The following SQSTM1 variants were observed in gnomAD, a reference collection of about 807,000 sequenced individuals.
The protein encoded by SQSTM1 is sequestosome-1.
Under a neutral mutation model 45.1 loss-of-function variants are expected in SQSTM1, and 36 were observed. That is an observed-to-expected ratio of 0.80 (90% confidence interval 0.61 to 1.05). SQSTM1 has a LOEUF of 1.05. Among genes scored for constraint, SQSTM1 ranks in the 50% least tolerant of loss-of-function variants. The pLI, the probability that SQSTM1 is intolerant of heterozygous loss-of-function variation, is 0.00. For synonymous variants in SQSTM1, 290 were observed against 244.3 expected (o/e 1.19, Z -1.74); for missense variants, 617 against 607.1 (o/e 1.02, Z -0.17).
chr5:179,816,201 T>C (rs1757572806), upstream of SQSTM1, among the ~76,000 whole-genome samples: 1 of 152,158 alleles, frequency 6.6e-6, no homozygotes, highest in Non-Finnish European at 1.5e-5. Flanking sequence ...AAGATTGGAG[T>C]GCAGTGGCGC....
chr5:179,819,354 C>G (rs1436115566), upstream of SQSTM1, among the ~76,000 whole-genome samples: 1 of 147,660 alleles, frequency 6.8e-6, no homozygotes, highest in Non-Finnish European at 1.5e-5. Context: ...TCACATGCCC[C>G]TAGCCCCCGC....
At chr5:179,827,063 C>G (rs976476924) in intron 5 of SQSTM1, among the ~76,000 whole-genome samples, 1 of 152,134 alleles carries the variant, frequency 6.6e-6, no homozygotes, top group South Asian at 2.1e-4. Context: ...AGGAGACATC[C>G]CGGGAAGTCA....
chr5:179,807,039 C>G (rs1486162790), intron 1 of SQSTM1: 2 of 151,644 alleles, frequency 1.3e-5, no homozygotes, highest in Non-Finnish European at 2.9e-5. Context: ...GTCGCCGGCG[C>G]CGCGAGGGGG....
chr5:179,824,558 C>G (rs926141978), intron 4 of SQSTM1, among the ~76,000 whole-genome samples: 1 of 152,164 alleles, frequency 6.6e-6, no homozygotes, highest in Non-Finnish European at 1.5e-5. Context: ...CACAGCCCTT[C>G]CTACCTCAGG....
At chr5:179,824,691 G>C (rs1392211931) in intron 4 of SQSTM1, among the ~76,000 whole-genome samples, 1 of 152,200 alleles carries the variant, frequency 6.6e-6, no homozygotes, top group Non-Finnish European at 1.5e-5. Flanking sequence ...AGTTGCTGAA[G>C]TCCTTTGAAA....
rs1757940020 is a variant in SQSTM1, at chr5:179,825,126, T to TA, written c.674-19dup. 1 of 1,612,586 alleles carries TA rather than the reference T, an allele frequency of 6.2e-7. No homozygotes were observed. The highest frequency in any genetic ancestry group is 1.3e-5 in the African/African-American group (1 of 74,900). On this transcript the variant is annotated intron_variant, in intron 4 of 7. Coordinates refer to ENST00000389805, the MANE Select transcript of SQSTM1 (RefSeq NM_003900.5). ...CAAGGCATTAAAGATATCTTTATCTTATCTTTGTAAAAATCAAAGCTTCTG... is the reference window on the plus strand; with the variant it reads ...CAAGGCATTAAAGATATCTTTATCTTAATCTTTGTAAAAATCAAAGCTTCTG...
chr5:179,811,331 A>G (rs1179147990), intron 1 of SQSTM1, among the ~76,000 whole-genome samples: 6 of 112,086 alleles, frequency 5.4e-5, no homozygotes, highest in African/African-American at 9.9e-5. Flanking sequence ...GGAGCTTTGC[A>G]GGGGGAGGAG....
In SQSTM1 at chr5:179,833,033, C is replaced by A; in HGVS notation, c.756C>A (p.Gly252=). ...TGCTCTTTCCTCCTCCGCCTCTAGG[C>A]ATTGAAGTTGATATCGATGTGGAGC... ...ESVAAALSPL[G]IEVDIDVEHG... is the part of the protein sequence containing the mutation. The change falls in exon 6 of 8, where the codon GGC becomes GGA. Residue 252 remains glycine, a splice_region_variant and synonymous_variant. Coordinates refer to ENST00000389805, the MANE Select transcript of SQSTM1 (RefSeq NM_003900.5). 1 of 1,614,142 alleles carries A rather than the reference C, an allele frequency of 6.2e-7. No homozygotes were observed. Among genetic ancestry groups the A allele is most frequent in the Non-Finnish European group, 8.5e-7 (1 of 1,180,004 alleles).
rs2113526354 is a variant in SQSTM1, at chr5:179,837,089, A to G, written c.*496A>G. ...CCTGCTGGGACTGAGAAGGCTCACG[A>G]AGGGCATCCGCAATGTTGGTTTCAC... On this transcript the variant is annotated 3_prime_UTR_variant, in exon 8 of 8. Transcript: ENST00000389805. The G allele has an allele frequency of 2.3e-6, 2 of 873,240 alleles. No individual in the cohort carries two copies. Among genetic ancestry groups the G allele is most frequent in the Non-Finnish European group, 3.7e-6 (2 of 545,588 alleles). The allele number at this position is 873,240 out of a possible 1,614,324, so 54.1% of individuals were successfully genotyped here. A position where few individuals can be genotyped will look rare whatever the true frequency, so the allele number is the denominator to read the frequency against.
At chr5:179,809,674 T>C (rs1757335831) in intron 1 of SQSTM1, among the ~76,000 whole-genome samples, 1 of 131,878 alleles carries the variant, frequency 7.6e-6, no homozygotes, top group African/African-American at 2.9e-5. Flanking sequence ...AACGGAGTCT[T>C]GCTCCCTGGC....
At chr5:179,825,038 G>A in intron 4 of SQSTM1, 108 bp from the exon 5 acceptor site, 1 of 1,135,412 alleles carries the variant, frequency 8.8e-7, no homozygotes, top group Non-Finnish European at 1.3e-6. Context: ...AGATGTCCGG[G>A]TTAAAGGTCA....
chr5:179,820,726 G>A (rs1268691878), upstream of SQSTM1: 2 of 483,006 alleles, frequency 4.1e-6, no homozygotes, highest in South Asian at 3.4e-5. Context: ...GAGGGGGCCG[G>A]GAGACCTGGA....
Position 179,833,855 on chromosome 5 carries a change from G to T in SQSTM1, c.1165+73G>T, listed in dbSNP as rs1024117498. The T allele has an allele frequency of 3.6e-5, 55 of 1,521,852 alleles. No individual in the cohort carries two copies. The African/African-American group carries it at 6.8e-4, about 19-fold the overall frequency. 94.3% of individuals were successfully genotyped at this position (1,521,852 alleles called of 1,614,324 possible). A position where few individuals can be genotyped will look rare whatever the true frequency, so the allele number is the denominator to read the frequency against. ...AGCATCCTGCCCTCCTCTGATTTCA[G>T]CGACACAAACAGAAGGATGAGATGT... On this transcript the variant is annotated intron_variant, in intron 7 of 7. Coordinates refer to ENST00000389805, the MANE Select transcript of SQSTM1 (RefSeq NM_003900.5).
chr5:179,810,148 T>A (rs182417738), intron 1 of SQSTM1, among the ~76,000 whole-genome samples: 79 of 152,336 alleles, frequency 5.2e-4, no homozygotes, highest in African/African-American at 1.8e-3. Flanking sequence ...CTTTAAGTTC[T>A]AGGGTACATG....
Position 179,821,036 on chromosome 5 carries a change from GA to G in SQSTM1, c.102del (p.Ala35ProfsTer14). 1 of 1,554,220 alleles carries G rather than the reference GA, an allele frequency of 6.4e-7. No individual in the cohort carries two copies. The highest frequency in any genetic ancestry group is 8.6e-7 in the Non-Finnish European group (1 of 1,159,784). The stretch of plus-strand genomic sequence containing the variant: ...CTGCTGCAGCCCCGAGCCTGAGGCG[GA>G]AGCCGAGGCTGCGGCGGGTCCGGGA... ...SFCCSPEPEAEAEAAAGPGPC... is the reference protein window; with the variant it reads ...SFCCSPEPEAXAEAAAGPGPC... On this transcript the variant is annotated frameshift_variant, in exon 1 of 8. Coordinates refer to ENST00000389805, the MANE Select transcript of SQSTM1 (RefSeq NM_003900.5). LOFTEE classifies it high-confidence loss of function.
At chr5:179,827,129 C>G (rs1039101187) in intron 5 of SQSTM1, among the ~76,000 whole-genome samples, 6 of 152,146 alleles carry the variant, frequency 3.9e-5, no homozygotes, top group African/African-American at 1.2e-4. Context: ...ATCCCCAGAC[C>G]TTACCTTTTT....
chr5:179,810,879 T>C (rs1581991168), intron 1 of SQSTM1, among the ~76,000 whole-genome samples: 1 of 152,242 alleles, frequency 6.6e-6, no homozygotes, highest in South Asian at 2.1e-4. Context: ...ATGCTGAGCA[T>C]TTTTTCATGT....
chr5:179,832,332 T>G (rs979551613), intron 5 of SQSTM1, among the ~76,000 whole-genome samples: 3 of 152,210 alleles, frequency 2.0e-5, no homozygotes, highest in African/African-American at 7.2e-5. Flanking sequence ...TCAAAAATAG[T>G]GCAGGTGATT....
intron 4 of SQSTM1, 104 bp downstream of exon 4, chr5:179,824,427 A>ACC: frequency 6.6e-7 from 1 of 1,522,092 alleles, no homozygotes; most frequent in Non-Finnish European, 9.1e-7. Context: ...AATTCAGGAT[A>ACC]CCCCCCACCT....
Sources: gnomAD v4.1 joint callset for allele counts (sites outside exome capture counted in the v4.1 genomes callset) on GRCh38, gnomAD v4.1.1 for gene constraint, MANE v1.5 for transcripts, NCBI Gene and HGNC (gene_info 2026-07-23, HGNC 2026-07-21) for gene names.